The following NPLOC4 variants were observed in gnomAD, a reference collection of about 807,000 sequenced individuals.
NPLOC4 encodes NPL4 homolog, ubiquitin recognition factor, also known as nuclear protein localization protein 4 homolog.
Under a neutral mutation model 80.6 loss-of-function variants are expected in NPLOC4, and 18 were observed. The ratio of observed to expected loss-of-function variants is 0.22; its 90% CI spans 0.15 to 0.33. The LOEUF is 0.33. Ranked by LOEUF, NPLOC4 falls within the 10% of genes least tolerant of loss-of-function variation. The probability of loss-of-function intolerance (pLI) is 1.00; values close to 1 mark genes in which losing one functional copy is unlikely to be tolerated. For missense variants in NPLOC4, 540 were observed against 786.1 expected, an observed-to-expected ratio of 0.69 and a Z score of 3.74; for synonymous variants, 313 against 301.5, an observed-to-expected ratio of 1.04 and a Z score of -0.39.
At chr17:81,583,578 A>G (rs1381805404) in intron 12 of NPLOC4, among the ~76,000 whole-genome samples, 1 of 152,176 alleles carries the variant, frequency 6.6e-6, no homozygotes, top group Non-Finnish European at 1.5e-5. Flanking sequence ...GTCCCTCGGG[A>G]AGCTCCTGGT....
chr17:81,569,628 T>G (rs1449579407), intron 13 of NPLOC4, among the ~76,000 whole-genome samples: 1 of 152,208 alleles, frequency 6.6e-6, no homozygotes, highest in Admixed American at 6.5e-5. Context: ...AAGCCCCTTC[T>G]GAATGCTGGG....
chr17:81,613,813 G>A (rs571463058), intron 3 of NPLOC4, among the ~76,000 whole-genome samples: 6 of 151,954 alleles, frequency 3.9e-5, no homozygotes, highest in Non-Finnish European at 5.9e-5. Context: ...CTCTCCTCCC[G>A]CCTCTCACCC....
chr17:81,596,699 G>A (rs983059843), intron 10 of NPLOC4, among the ~76,000 whole-genome samples: 1 of 152,198 alleles, frequency 6.6e-6, no homozygotes, highest in Non-Finnish European at 1.5e-5. Flanking sequence ...GAAGCACTAT[G>A]CAAACCACCC....
At chr17:81,619,608 G>C (rs939543507) in intron 3 of NPLOC4, among the ~76,000 whole-genome samples, 1 of 151,252 alleles carries the variant, frequency 6.6e-6, no homozygotes, top group Non-Finnish European at 1.5e-5. Flanking sequence ...GCCAGGCGCA[G>C]TGGCTTACAT....
At chr17:81,609,952 T>C (rs914444834) in intron 5 of NPLOC4, among the ~76,000 whole-genome samples, 10 of 152,242 alleles carry the variant, frequency 6.6e-5, no homozygotes, top group South Asian at 4.1e-4. Context: ...GGGAGCCCGC[T>C]GTAAATGCTG....
chr17:81,607,282 T>C (rs1233381097), intron 6 of NPLOC4, among the ~76,000 whole-genome samples: 2 of 152,118 alleles, frequency 1.3e-5, no homozygotes, highest in African/African-American at 4.8e-5. Flanking sequence ...AAGGCATCTT[T>C]ACTCTGCTTT....
At chr17:81,632,030 GCTCACTGCAACCTCCA>G (rs1199123054) in intron 1 of NPLOC4, among the ~76,000 whole-genome samples, 7 of 151,630 alleles carry the variant, frequency 4.6e-5, no homozygotes, top group African/African-American at 1.2e-4. Context: ...CGCAATCTCG[GCTCACTGCAACCTCCA>G]CTCACTGCAA....
intron 12 of NPLOC4, among the ~76,000 whole-genome samples, chr17:81,585,401 C>T (rs1178543617): frequency 1.3e-5 from 2 of 152,030 alleles, no homozygotes; most frequent in African/African-American, 2.4e-5. Flanking sequence ...TGGTGGTTCA[C>T]GCCTGTAATC....
At position 81,605,262 on chromosome 17, in the gene NPLOC4, CAG is replaced by C. The variant is rs2035172754; in HGVS notation, c.655-537_655-536del. 5.6e-5 allele frequency among the ~76,000 whole-genome samples: 8 copies of C among 141,964 alleles called. No individual in the cohort carries two copies. The Admixed American group carries it at 5.7e-4, about 10-fold the overall frequency. 93.1% of individuals were successfully genotyped at this position (141,964 alleles called of 152,430 possible). A position where few individuals can be genotyped will look rare whatever the true frequency, so the allele number is the denominator to read the frequency against. ...CGCCACTGCACTCCAGCCTGGGCGA[CAG>C]AGCAAAACTCCATCTCAAAAAAAAA... is the stretch of plus-strand genomic sequence containing the variant. On this transcript the variant is annotated intron_variant, in intron 7 of 16. Transcript: ENST00000331134.
intron 3 of NPLOC4, among the ~76,000 whole-genome samples, chr17:81,619,891 A>G (rs2035619561): frequency 6.6e-6 from 1 of 151,628 alleles, no homozygotes; most frequent in African/African-American, 2.4e-5. Flanking sequence ...AAAAAAAAAA[A>G]AGGTGGGGGT....
chr17:81,608,348 T>C (rs1325904366), intron 6 of NPLOC4, among the ~76,000 whole-genome samples: 5 of 152,224 alleles, frequency 3.3e-5, no homozygotes, highest in Admixed American at 2.0e-4. Flanking sequence ...GGACAGCCTC[T>C]GTCTGATACT....
In NPLOC4 at chr17:81,565,495, G is replaced by T; in HGVS notation, c.1669+10C>A. The T allele has an allele frequency of 6.5e-7, 1 of 1,540,630 alleles. No individual in the cohort carries two copies. Among genetic ancestry groups the T allele is most frequent in the South Asian group, 1.2e-5 (1 of 83,932 alleles). ...CACGGGGTGCCGGGGCAGGGGGTGG[G>T]GGTACTCACTGCACAGCTGCTCGAT... On this transcript the variant is annotated intron_variant, in intron 16 of 16. Transcript: ENST00000331134.
intron 10 of NPLOC4, among the ~76,000 whole-genome samples, chr17:81,596,489 C>G (rs998829626): frequency 4.6e-5 from 7 of 151,960 alleles, no homozygotes; most frequent in Non-Finnish European, 8.8e-5. Flanking sequence ...ACACCTGAAC[C>G]CAGGAGGAGG....
intron 13 of NPLOC4, among the ~76,000 whole-genome samples, chr17:81,570,653 A>C (rs2034137837): frequency 1.3e-5 from 2 of 152,172 alleles, no homozygotes; most frequent in South Asian, 4.1e-4. Context: ...CAGCCAGATG[A>C]TGCCCCCAGA....
chr17:81,558,371 A>G lies in NPLOC4; in HGVS notation c.*888T>C, dbSNP rs1165431337. 6.6e-6 allele frequency: 1 copy of G among 152,242 alleles called. No homozygotes were observed. The highest frequency in any genetic ancestry group is 2.4e-5 in the African/African-American group (1 of 41,450). 9.4% of individuals were successfully genotyped at this position (152,242 alleles called of 1,614,324 possible). On this transcript the variant is annotated 3_prime_UTR_variant, in exon 17 of 17. Coordinates refer to ENST00000331134, the MANE Select transcript of NPLOC4 (RefSeq NM_017921.4). ...GCAGGGCAGCCTCAGGGCAGGCGCCACCACTGCTCCTGCTCAGCCCGCAGT... is the reference window on the plus strand; with the variant it reads ...GCAGGGCAGCCTCAGGGCAGGCGCCGCCACTGCTCCTGCTCAGCCCGCAGT...
intron 11 of NPLOC4, among the ~76,000 whole-genome samples, chr17:81,589,605 A>G (rs1405969116): frequency 2.0e-5 from 3 of 151,980 alleles, no homozygotes; most frequent in Non-Finnish European, 4.4e-5. Flanking sequence ...GACCTAGCAC[A>G]GTCAGGACAC....
At chr17:81,600,543 G>T in intron 8 of NPLOC4, 116 bp from the exon 9 acceptor site, 2 of 726,060 alleles carry the variant, frequency 2.8e-6, no homozygotes, top group Admixed American at 4.5e-5. Context: ...CTCCTTGTCA[G>T]AAAGGAGAAC....
chr17:81,620,225 C>G (rs755381263), intron 3 of NPLOC4, among the ~76,000 whole-genome samples: 1 of 152,152 alleles, frequency 6.6e-6, no homozygotes, highest in Non-Finnish European at 1.5e-5. Context: ...GAGCCAGGCA[C>G]GGTGGCTCAC....
intron 16 of NPLOC4, 26 bp from the exon 17 acceptor site, chr17:81,559,442 CTCA>C: frequency 6.3e-7 from 1 of 1,591,222 alleles, no homozygotes; most frequent in Non-Finnish European, 8.6e-7. Context: ...GAAATGAGCA[CTCA>C]TCATTTCTGG....
Sources: gnomAD v4.1 joint callset for allele counts (sites outside exome capture counted in the v4.1 genomes callset) on GRCh38, gnomAD v4.1.1 for gene constraint, MANE v1.5 for transcripts, NCBI Gene and HGNC (gene_info 2026-07-23, HGNC 2026-07-21) for gene names.